FGF12: variants seen among roughly 807,000 people sequenced by gnomAD.
FGF12 encodes the protein fibroblast growth factor 12, also known as fibroblast growth factor 12B.
A neutral mutation model predicts 23.6 loss-of-function variants in FGF12; 14 were observed. That is an observed-to-expected ratio of 0.59 (90% CI 0.39 to 0.93). FGF12 has a LOEUF of 0.93. Ranked by LOEUF, FGF12 falls within the 40% of genes least tolerant of loss-of-function variation. The pLI is 0.00. For missense variants in FGF12, 175 were observed against 217.8 expected (o/e 0.80, Z 1.24); for synonymous variants, 62 against 77.3 (o/e 0.80, Z 1.04).
At chr3:192,364,094 TAGGCAAGGAAAC>T (rs1207329441) in intron 2 of FGF12, among the ~76,000 whole-genome samples, 2 of 152,106 alleles carry the variant, frequency 1.3e-5, no homozygotes, top group African/African-American at 4.8e-5. Flanking sequence ...AGGATTGCCA[TAGGCAAGGAAAC>T]CAGAGAAAGG....
At chr3:192,558,890 A>G (rs1711899113) in intron 2 of FGF12, among the ~76,000 whole-genome samples, 1 of 151,934 alleles carries the variant, frequency 6.6e-6, no homozygotes, top group Admixed American at 6.6e-5. Flanking sequence ...GGGAAAATGG[A>G]ATATCCACAT....
chr3:192,564,784 G>T (rs1450115573), intron 2 of FGF12, among the ~76,000 whole-genome samples: 1 of 152,130 alleles, frequency 6.6e-6, no homozygotes, highest in Non-Finnish European at 1.5e-5. Context: ...CTGTGTTTTG[G>T]TATTCAGAAA....
chr3:192,649,421 G>A (rs963480920), intron 2 of FGF12, among the ~76,000 whole-genome samples: 13 of 151,908 alleles, frequency 8.6e-5, no homozygotes, highest in South Asian at 2.1e-4. Context: ...ACTAATGACC[G>A]TTTTAATTCT....
chr3:192,642,257 T>C (rs933595570), intron 2 of FGF12, among the ~76,000 whole-genome samples: 3 of 152,198 alleles, frequency 2.0e-5, no homozygotes, highest in African/African-American at 7.2e-5. Flanking sequence ...ATGGAAATAA[T>C]TACTATTGCT....
At chr3:192,569,827 A>C (rs1712511098) in intron 2 of FGF12, among the ~76,000 whole-genome samples, 1 of 152,208 alleles carries the variant, frequency 6.6e-6, no homozygotes, top group Non-Finnish European at 1.5e-5. Flanking sequence ...GATAACAGGG[A>C]ATTACTGGAA....
rs545179779 is a variant in FGF12, at chr3:192,211,537, T to C, written c.229-40881A>G. 6.6e-4 allele frequency among the ~76,000 whole-genome samples: 101 copies of C among 152,242 alleles called. 2 individuals carry two copies. The South Asian group carries it at 8.5e-3, about 13-fold the overall frequency. ...GCCTCCCAGGTTCAAGCAGTTCTCC[T>C]GCCTCAGCCTACCGTGTAGCTGGGA... is the stretch of plus-strand genomic sequence containing the variant. On this transcript the variant is annotated intron_variant, in intron 4 of 5. Coordinates refer to ENST00000445105, the MANE Select transcript of FGF12 (RefSeq NM_004113.6).
chr3:192,457,621 G>A (rs758880448), intron 2 of FGF12, among the ~76,000 whole-genome samples: 7 of 152,158 alleles, frequency 4.6e-5, no homozygotes, highest in African/African-American at 7.2e-5. Flanking sequence ...CAGCAAAAGC[G>A]TTCAAAAGGT....
chr3:192,611,985 G>A (rs1351225830), intron 2 of FGF12, among the ~76,000 whole-genome samples: 1 of 151,948 alleles, frequency 6.6e-6, no homozygotes, highest in Non-Finnish European at 1.5e-5. Flanking sequence ...GACATTCTAC[G>A]GAGAGTCATT....
At chr3:192,331,286 T>C (rs995292107) in intron 4 of FGF12, among the ~76,000 whole-genome samples, 1 of 115,832 alleles carries the variant, frequency 8.6e-6, no homozygotes, top group Admixed American at 1.1e-4. Context: ...ATGCTGCTGA[T>C]AGGGAAAACA....
chr3:192,338,728 C>T (rs1357092710), intron 3 of FGF12, among the ~76,000 whole-genome samples: 5 of 152,162 alleles, frequency 3.3e-5, no homozygotes, highest in African/African-American at 9.6e-5. Flanking sequence ...CTGGCTTTTA[C>T]GTGAGAAAAT....
chr3:192,249,091 A>G (rs1252487078), intron 4 of FGF12, among the ~76,000 whole-genome samples: 2 of 152,178 alleles, frequency 1.3e-5, no homozygotes, highest in African/African-American at 4.8e-5. Flanking sequence ...AGTTTTTATT[A>G]TAAGGGCTAT....
intron 4 of FGF12, among the ~76,000 whole-genome samples, chr3:192,220,938 GAC>G (rs1440907924): frequency 6.6e-6 from 1 of 152,108 alleles, no homozygotes; most frequent in Non-Finnish European, 1.5e-5. Flanking sequence ...GATGAAATGA[GAC>G]ACAAATAAAT....
At chr3:192,374,364 G>A (rs1453201814) in intron 2 of FGF12, among the ~76,000 whole-genome samples, 2 of 152,080 alleles carry the variant, frequency 1.3e-5, no homozygotes, top group African/African-American at 2.4e-5. Flanking sequence ...AGATACAATG[G>A]TCATAAGATT....
intron 4 of FGF12, among the ~76,000 whole-genome samples, chr3:192,278,485 A>G (rs1330726026): frequency 1.3e-5 from 2 of 152,192 alleles, no homozygotes; most frequent in Non-Finnish European, 2.9e-5. Context: ...AAGGGCAAGG[A>G]GCTCATCCTA....
chr3:192,385,230 A>G (rs989930499), intron 2 of FGF12, among the ~76,000 whole-genome samples: 1 of 152,056 alleles, frequency 6.6e-6, no homozygotes, highest in Non-Finnish European at 1.5e-5. Context: ...TATAAAAATA[A>G]TAATATGTTA....
chr3:192,338,471 A>G (rs1296803998), intron 3 of FGF12, among the ~76,000 whole-genome samples: 1 of 152,212 alleles, frequency 6.6e-6, no homozygotes, highest in African/African-American at 2.4e-5. Context: ...CTGGCCAATG[A>G]GATGTAAGTC....
chr3:192,222,213 A>G (rs1485327094), intron 4 of FGF12, among the ~76,000 whole-genome samples: 8 of 152,124 alleles, frequency 5.3e-5, no homozygotes, highest in Admixed American at 3.3e-4. Flanking sequence ...AAAGAGATGG[A>G]TGAAAGCCAG....
chr3:192,180,112 A>C (rs554364389), intron 4 of FGF12, among the ~76,000 whole-genome samples: 1 of 152,276 alleles, frequency 6.6e-6, no homozygotes, highest in African/African-American at 2.4e-5. Flanking sequence ...GAACACAGAG[A>C]TATCAGATCA....
intron 4 of FGF12, among the ~76,000 whole-genome samples, chr3:192,291,985 T>G (rs1170155338): frequency 6.6e-6 from 1 of 152,166 alleles, no homozygotes; most frequent in Non-Finnish European, 1.5e-5. Flanking sequence ...GAAATGCCAT[T>G]TAAGTAGAAA....
Sources: allele counts gnomAD v4.1 joint callset (sites outside exome capture counted in the v4.1 genomes callset), GRCh38; gene constraint gnomAD v4.1.1; transcripts MANE v1.5; gene names NCBI Gene and HGNC (gene_info 2026-07-23, HGNC 2026-07-21).